The following IL17RA variants were observed in gnomAD, a reference collection of about 807,000 sequenced individuals.
The protein encoded by IL17RA is interleukin 17 receptor A, also known as interleukin-17 receptor A.
In IL17RA, 34 loss-of-function variants were observed where a neutral mutation model predicts 50.4. The ratio of observed to expected loss-of-function variants is 0.67; its 90% CI spans 0.51 to 0.90. The LOEUF is 0.90. Among genes scored for constraint, IL17RA ranks in the 40% least tolerant of loss-of-function variants. The probability of loss-of-function intolerance (pLI) is 0.00; values close to 1 mark genes in which losing one functional copy is unlikely to be tolerated. For missense variants in IL17RA, 1,276 were observed against 1,169.8 expected (o/e 1.09, Z -1.32); for synonymous variants, 585 against 510.4 (o/e 1.15, Z -1.97).
In IL17RA at chr22:17,103,504, A is replaced by G. The variant is rs1272568446; in HGVS notation, c.773A>G (p.Glu258Gly). 6.2e-7 allele frequency: 1 copy of G among 1,613,584 alleles called. No individual in the cohort carries two copies. The highest frequency in any genetic ancestry group is 8.5e-7 in the Non-Finnish European group (1 of 1,179,854). ...CGCCTCTCTCCTCAGCCCAGACCAG[A>G]AGAGTTCCACCAGCGATCCAACGTC... is the stretch of plus-strand genomic sequence containing the variant. ...HMHHIPAPRP[E>G]EFHQRSNVTL... The change falls in exon 8 of 13, where the codon GAA becomes GGA. Residue 258 changes from glutamate to glycine, a missense_variant. Transcript: ENST00000319363.
At chr22:17,098,583 G>C (rs1422349531) in intron 3 of IL17RA, among the ~76,000 whole-genome samples, 192 bp from the exon 4 acceptor site, 1 of 152,174 alleles carries the variant, frequency 6.6e-6, no homozygotes, top group Non-Finnish European at 1.5e-5. Flanking sequence ...TTGCCCAGCT[G>C]GGAAATAACT....
At chr22:17,090,807 A>G (rs2061345309) in intron 1 of IL17RA, among the ~76,000 whole-genome samples, 1 of 152,210 alleles carries the variant, frequency 6.6e-6, no homozygotes, top group Non-Finnish European at 1.5e-5. Flanking sequence ...TACTTTGATT[A>G]TATATTTTTT....
intron 7 of IL17RA, among the ~76,000 whole-genome samples, chr22:17,103,014 C>T (rs574888353): frequency 2.6e-4 from 39 of 152,228 alleles, no homozygotes; most frequent in South Asian, 8.3e-4. Flanking sequence ...TGCTGGCACA[C>T]GCCTGTAATC....
chr22:17,085,291 G>T, intron 1 of IL17RA, 62 bp downstream of exon 1: 1 of 1,528,534 alleles, frequency 6.5e-7, no homozygotes, highest in South Asian at 1.2e-5. Context: ...CAAGGTCGCG[G>T]AGGGCCGGAC....
At chr22:17,090,009 G>A (rs2061342489) in intron 1 of IL17RA, among the ~76,000 whole-genome samples, 3 of 150,816 alleles carry the variant, frequency 2.0e-5, no homozygotes, top group African/African-American at 7.3e-5. Flanking sequence ...TATTTAAAAT[G>A]TTATGTAATT....
rs1568920201 is a variant in IL17RA at position 17,101,853 on chromosome 22, C to T, written c.551-143C>T. The T allele has an allele frequency of 3.1e-6, 3 of 961,448 alleles. No homozygotes were observed. In the East Asian group the frequency reaches 7.7e-5, roughly 25 times the overall value. The allele number at this position is 961,448 out of a possible 1,614,324, so 59.6% of individuals were successfully genotyped here. On this transcript the variant is annotated intron_variant, in intron 5 of 12. Coordinates refer to ENST00000319363, the MANE Select transcript of IL17RA (RefSeq NM_014339.7). Reference sequence around the variant, plus strand: ...GCTGGCACCCATGCCAAGGTGGGTCCAGCCCTGGAGCTCACTCTGAAGGGG... The same window carrying T: ...GCTGGCACCCATGCCAAGGTGGGTCTAGCCCTGGAGCTCACTCTGAAGGGG...
At position 17,102,157 on chromosome 22, in the gene IL17RA, A is replaced by C. The variant is rs750454090; in HGVS notation, c.617A>C (p.Asn206Thr). 1.9e-6 allele frequency: 3 copies of C among 1,614,002 alleles called. No homozygotes were observed. The highest frequency in any genetic ancestry group is 1.7e-6 in the Non-Finnish European group (2 of 1,180,018). Reference sequence around the variant, plus strand: ...TTGGCAGGCAGCCTGTGGGACCCCAACATCACCGTGGAGACCCTGGAGGCC... The same window carrying C: ...TTGGCAGGCAGCCTGTGGGACCCCACCATCACCGTGGAGACCCTGGAGGCC... ...CMSSGSLWDP[N>T]ITVETLEAHQ... is the part of the protein sequence containing the mutation. Residue 206 changes from asparagine (N) to threonine (T), a missense_variant, in exon 7 of 13, where the codon AAC (asparagine) becomes ACC (threonine). Coordinates refer to ENST00000319363, the MANE Select transcript of IL17RA (RefSeq NM_014339.7).
Position 17,102,156 on chromosome 22 carries a change from A to G in IL17RA, c.616A>G (p.Asn206Asp). The G allele has an allele frequency of 6.2e-7, 1 of 1,614,128 alleles. No homozygotes were observed. The highest frequency in any genetic ancestry group is 8.5e-7 in the Non-Finnish European group (1 of 1,180,006). ...CTTGGCAGGCAGCCTGTGGGACCCC[A>G]ACATCACCGTGGAGACCCTGGAGGC... ...CMSSGSLWDP[N>D]ITVETLEAHQ... Residue 206 changes from asparagine to aspartate, a missense_variant, in exon 7 of 13, where the codon AAC becomes GAC. Transcript: ENST00000319363.
intron 3 of IL17RA, 107 bp from the exon 4 acceptor site, chr22:17,098,668 G>C: frequency 1.2e-6 from 1 of 840,018 alleles, no homozygotes; most frequent in Non-Finnish European, 2.0e-6. Context: ...TAAGACGGCA[G>C]ATTTTCTTTT....
intron 1 of IL17RA, among the ~76,000 whole-genome samples, chr22:17,096,093 C>T (rs147707150): frequency 3.9e-5 from 6 of 152,232 alleles, no homozygotes; most frequent in Admixed American, 2.6e-4. Context: ...CCCCGGGATG[C>T]GTTTGGTCTG....
intron 8 of IL17RA, among the ~76,000 whole-genome samples, chr22:17,104,424 GCA>G (rs1375504962): frequency 1.3e-5 from 2 of 151,910 alleles, no homozygotes; most frequent in Non-Finnish European, 2.9e-5. Context: ...TGGGGAGCGT[GCA>G]CAGTCTGGCA....
Position 17,094,675 on chromosome 22 carries a change from C to CTATATATATATA in IL17RA, c.139-2386_139-2385insATATATATATAT, listed in dbSNP as rs1568917420. ...ACACACACTCTCTCTCTCTCTCTCT[C>CTATATATATATA]TCTCTCTCTCTCTCTCTATATATAT... On this transcript the variant is annotated intron_variant, in intron 1 of 12. Transcript: ENST00000319363. Among the ~76,000 whole-genome samples, 44 of 49,334 alleles carry CTATATATATATA rather than the reference C, an allele frequency of 8.9e-4. 3 individuals carry two copies. Among genetic ancestry groups the CTATATATATATA allele is most frequent in the Admixed American group, 2.0e-3 (11 of 5,556 alleles). The allele number at this position is 49,334 out of a possible 152,430, so 32.4% of individuals were successfully genotyped here.
At chr22:17,085,737 C>T (rs1185275004) in intron 1 of IL17RA, among the ~76,000 whole-genome samples, 5 of 152,172 alleles carry the variant, frequency 3.3e-5, no homozygotes, top group Non-Finnish European at 5.9e-5. Context: ...CAAGCCGTGC[C>T]CTTCATGCCG....
intron 11 of IL17RA, among the ~76,000 whole-genome samples, chr22:17,107,360 G>T (rs775496568): frequency 2.6e-5 from 4 of 152,224 alleles, no homozygotes; most frequent in Non-Finnish European, 5.9e-5. Flanking sequence ...CTGCCCCCCG[G>T]CACTGGGGGT....
At chr22:17,092,374 G>A (rs1008718486) in intron 1 of IL17RA, among the ~76,000 whole-genome samples, 3 of 152,172 alleles carry the variant, frequency 2.0e-5, no homozygotes, top group African/African-American at 7.2e-5. Context: ...CTGAAAGAGA[G>A]GAGCATGAGA....
At chr22:17,088,421 C>T (rs1231401139) in intron 1 of IL17RA, among the ~76,000 whole-genome samples, 1 of 151,984 alleles carries the variant, frequency 6.6e-6, no homozygotes, top group African/African-American at 2.4e-5. Flanking sequence ...CGAGTTCAAG[C>T]AATTCTTGTG....
chr22:17,092,087 G>C (rs2061350243), intron 1 of IL17RA, among the ~76,000 whole-genome samples: 1 of 152,160 alleles, frequency 6.6e-6, no homozygotes, highest in African/African-American at 2.4e-5. Flanking sequence ...CATCTGGGAA[G>C]GGGAGAGGGA....
Position 17,100,320 on chromosome 22 carries a change from A to G in IL17RA, c.424-35A>G, listed in dbSNP as rs749771174. On this transcript the variant is annotated intron_variant, in intron 4 of 12. Transcript: ENST00000319363. ...ATAGATGGGTGACAGAGGTGTGTGTAATCCATCCACCTTCCCTTCCTCCCT... is the reference window on the plus strand; with the variant it reads ...ATAGATGGGTGACAGAGGTGTGTGTGATCCATCCACCTTCCCTTCCTCCCT... The G allele has an allele frequency of 1.8e-5, 29 of 1,613,740 alleles. No individual in the cohort carries two copies. The Middle Eastern group carries it at 6.6e-4, about 37-fold the overall frequency.
intron 1 of IL17RA, among the ~76,000 whole-genome samples, chr22:17,093,367 A>G (rs906539518): frequency 1.3e-5 from 2 of 152,044 alleles, no homozygotes; most frequent in African/African-American, 2.4e-5. Flanking sequence ...GAAAGAGAGG[A>G]TAAGGTTCCC....
Sources: gnomAD v4.1 joint callset for allele counts (sites outside exome capture counted in the v4.1 genomes callset) on GRCh38, gnomAD v4.1.1 for gene constraint, MANE v1.5 for transcripts, NCBI Gene and HGNC (gene_info 2026-07-23, HGNC 2026-07-21) for gene names.